The following CENPP variants were observed in gnomAD, a reference collection of about 807,000 sequenced individuals.
The protein encoded by CENPP is centromere protein P.
A neutral mutation model predicts 35.6 loss-of-function variants in CENPP; 24 were observed. The ratio of observed to expected loss-of-function variants is 0.67; its 90% CI spans 0.49 to 0.95. The LOEUF (loss-of-function observed/expected upper bound fraction) is 0.95. Among genes scored for constraint, CENPP ranks in the 40% least tolerant of loss-of-function variants. The pLI is 0.00. For missense variants in CENPP, 332 were observed against 345.3 expected (o/e 0.96, Z 0.31); for synonymous variants, 120 against 125.5 (o/e 0.96, Z 0.29).
chr9:92,433,101 G>T (rs1163873926), intron 5 of CENPP, among the ~76,000 whole-genome samples: 6 of 152,158 alleles, frequency 3.9e-5, no homozygotes, highest in Non-Finnish European at 7.3e-5. Flanking sequence ...ACCACGCAAT[G>T]AATAATTTAT....
At chr9:92,391,610 C>A (rs769169263) in intron 5 of CENPP, among the ~76,000 whole-genome samples, 28 of 151,806 alleles carry the variant, frequency 1.8e-4, no homozygotes, top group Middle Eastern at 3.2e-3. Flanking sequence ...AACAAAAAAA[C>A]CCCCCAAAAA....
chr9:92,491,240 A>C (rs966076251), intron 5 of CENPP, among the ~76,000 whole-genome samples: 4 of 152,210 alleles, frequency 2.6e-5, no homozygotes, highest in African/African-American at 9.7e-5. Context: ...CACTAAAGAG[A>C]TAATCACTAC....
chr9:92,539,137 G>C (rs956337895), intron 5 of CENPP: 2 of 152,136 alleles, frequency 1.3e-5, no homozygotes, highest in Non-Finnish European at 2.9e-5. Context: ...ACAATGTTCC[G>C]GTATCTTTAT....
At chr9:92,335,694 G>A (rs1252961547) in intron 2 of CENPP, among the ~76,000 whole-genome samples, 1 of 151,910 alleles carries the variant, frequency 6.6e-6, no homozygotes, top group African/African-American at 2.4e-5. Flanking sequence ...TCAGTTGACT[G>A]TATCTGCGTG....
In CENPP at chr9:92,612,580, A is replaced by G; in HGVS notation, c.702A>G (p.Pro234=). ...IQIDEDGKVF[P]KLDLLTKVPQ... ...TAGATGAAGATGGGAAGGTTTTTCC[A>G]AAGCTGGATCTTCTCACCAAAGTCC... The change falls in exon 7 of 8, where the codon CCA becomes CCG. Residue 234 remains proline (P), a synonymous_variant. Transcript: ENST00000375587. 1.2e-6 allele frequency: 2 copies of G among 1,614,144 alleles called. No homozygotes were observed. The highest frequency in any genetic ancestry group is 2.2e-5 in the South Asian group (2 of 91,084).
intron 5 of CENPP, among the ~76,000 whole-genome samples, chr9:92,463,887 T>C (rs1845206214): frequency 6.6e-6 from 1 of 152,244 alleles, no homozygotes; most frequent in South Asian, 2.1e-4. Context: ...TCTTTTACTT[T>C]AGATGATCTT....
At position 92,516,448 on chromosome 9, in the gene CENPP, C is replaced by T. The variant is rs893688784; in HGVS notation, c.565-94866C>T. 6.6e-5 allele frequency among the ~76,000 whole-genome samples: 10 copies of T among 152,190 alleles called. No individual in the cohort carries two copies. The South Asian group carries it at 1.5e-3, about 22-fold the overall frequency. On this transcript the variant is annotated intron_variant, in intron 5 of 7. Transcript: ENST00000375587. ...TATTTAACACTATATATAAACTACT[C>T]CCAAAAAGAACTCAGGAAATATAAT...
chr9:92,539,223 G>A (rs545145872), intron 5 of CENPP: 1 of 152,272 alleles, frequency 6.6e-6, no homozygotes, highest in African/African-American at 2.4e-5. Flanking sequence ...TAAAGCATTA[G>A]ACTGTAAATC....
intron 5 of CENPP, chr9:92,386,202 T>C (rs1226972092): frequency 1.9e-6 from 3 of 1,595,636 alleles, no homozygotes; most frequent in South Asian, 1.1e-5. Context: ...CTATCATACC[T>C]GAAGATGAAT....
intron 5 of CENPP, among the ~76,000 whole-genome samples, chr9:92,586,924 C>T (rs138533809): frequency 1.6e-5 from 2 of 123,270 alleles, no homozygotes; most frequent in African/African-American, 6.2e-5. Flanking sequence ...TTCTGGTATT[C>T]AAAATACCTG....
intron 5 of CENPP, among the ~76,000 whole-genome samples, chr9:92,480,943 A>T (rs1845891756): frequency 1.3e-5 from 2 of 152,246 alleles, no homozygotes. Flanking sequence ...GATACTGATA[A>T]AGATAGCACT....
chr9:92,507,743 C>A (rs1030603904), intron 5 of CENPP, among the ~76,000 whole-genome samples: 2 of 152,148 alleles, frequency 1.3e-5, no homozygotes, highest in Non-Finnish European at 2.9e-5. Context: ...TTAAAGCGTG[C>A]CTGGTTTTCC....
At chr9:92,517,782 C>A in intron 5 of CENPP, 1 of 1,614,212 alleles carries the variant, frequency 6.2e-7, no homozygotes. Flanking sequence ...AAGAACTCTT[C>A]CATCTGAGCA....
intron 5 of CENPP, among the ~76,000 whole-genome samples, chr9:92,380,153 T>C (rs963525788): frequency 5.9e-5 from 9 of 152,186 alleles, no homozygotes; most frequent in African/African-American, 1.9e-4. Flanking sequence ...AAACAACAAA[T>C]GTTAATAAAG....
intron 5 of CENPP, chr9:92,474,742 CTCATCATCATCATCATCATCA>C (rs3078372): frequency 8.5e-6 from 13 of 1,534,634 alleles, no homozygotes; most frequent in Admixed American, 5.4e-5. Context: ...GAGAGTTGTC[CTCATCATCATCATCATCATCA>C]TCATCATCAT....
intron 2 of CENPP, among the ~76,000 whole-genome samples, chr9:92,332,765 G>A (rs1410608603): frequency 2.0e-5 from 3 of 151,264 alleles, no homozygotes; most frequent in East Asian, 1.9e-4. Context: ...CTGAGATTGT[G>A]CCATTGCACT....
intron 5 of CENPP, among the ~76,000 whole-genome samples, chr9:92,420,150 T>C (rs1265428625): frequency 6.6e-6 from 1 of 152,164 alleles, no homozygotes; most frequent in African/African-American, 2.4e-5. Context: ...CTGGAACCCT[T>C]CATACTCTTC....
At chr9:92,464,585 C>G (rs1362056562) in intron 5 of CENPP, 4 of 445,870 alleles carry the variant, frequency 9.0e-6, no homozygotes, top group Admixed American at 2.5e-5. Flanking sequence ...CTATCTTTCT[C>G]TGCTTTCTTC....
At chr9:92,334,895 CA>C (rs769231688) in intron 2 of CENPP, among the ~76,000 whole-genome samples, 2 of 145,844 alleles carry the variant, frequency 1.4e-5, no homozygotes, top group African/African-American at 2.5e-5. Context: ...ACCAAAAAAA[CA>C]AAAAAAAAGG....
Sources: allele counts gnomAD v4.1 joint callset (sites outside exome capture counted in the v4.1 genomes callset), GRCh38; gene constraint gnomAD v4.1.1; transcripts MANE v1.5; gene names NCBI Gene and HGNC (gene_info 2026-07-23, HGNC 2026-07-21).